ZFAND3: variants seen among roughly 807,000 people sequenced by gnomAD.
ZFAND3 encodes zinc finger AN1-type containing 3.
Under a neutral mutation model 29.6 loss-of-function variants are expected in ZFAND3, and 10 were observed. The observed-to-expected ratio is 0.34, with a 90% CI of 0.21 to 0.57. The LOEUF (loss-of-function observed/expected upper bound fraction) is 0.57. Among genes scored for constraint, ZFAND3 ranks in the 20% least tolerant of loss-of-function variants. ZFAND3 has a pLI of 0.86. For missense variants in ZFAND3, 230 were observed against 304.5 expected (o/e 0.76, Z 1.82); for synonymous variants, 128 against 112.6 (o/e 1.14, Z -0.87).
intron 1 of ZFAND3, among the ~76,000 whole-genome samples, chr6:37,899,337 G>C (rs1303457315): frequency 6.6e-6 from 1 of 152,132 alleles, no homozygotes; most frequent in African/African-American, 2.4e-5. Context: ...TGTGGTGATA[G>C]TGTACCTTCT....
intron 2 of ZFAND3, among the ~76,000 whole-genome samples, chr6:38,017,717 A>G (rs1232890602): frequency 6.6e-6 from 1 of 151,960 alleles, no homozygotes; most frequent in Non-Finnish European, 1.5e-5. Flanking sequence ...AAAAAGAATC[A>G]TATATTTCTA....
intron 2 of ZFAND3, among the ~76,000 whole-genome samples, chr6:37,999,909 T>C (rs1047853246): frequency 2.0e-5 from 3 of 152,214 alleles, no homozygotes; most frequent in Non-Finnish European, 2.9e-5. Flanking sequence ...ATATTAATGA[T>C]AGGAGAAATT....
At chr6:38,124,516 C>T (rs540620119) in intron 5 of ZFAND3, among the ~76,000 whole-genome samples, 14 of 152,308 alleles carry the variant, frequency 9.2e-5, no homozygotes, top group South Asian at 4.1e-4. Flanking sequence ...AGAAATCGAG[C>T]GCAGTGCCGG....
intron 1 of ZFAND3, among the ~76,000 whole-genome samples, chr6:37,854,665 A>G (rs1454109549): frequency 6.6e-6 from 1 of 152,088 alleles, no homozygotes; most frequent in Admixed American, 6.6e-5. Flanking sequence ...ATAGATGAGG[A>G]AACAAGTACC....
chr6:37,873,298 A>G (rs1410618927), intron 1 of ZFAND3, among the ~76,000 whole-genome samples: 2 of 152,206 alleles, frequency 1.3e-5, no homozygotes, highest in Non-Finnish European at 1.5e-5. Flanking sequence ...TTGGAACCTA[A>G]GGAGTTAATG....
At chr6:37,934,526 A>AT (rs1177606067) in intron 2 of ZFAND3, among the ~76,000 whole-genome samples, 5 of 108,380 alleles carry the variant, frequency 4.6e-5, no homozygotes, top group South Asian at 3.0e-4. Flanking sequence ...CATTTAGTCT[A>AT]TTTAAAAAAA....
intron 2 of ZFAND3, among the ~76,000 whole-genome samples, chr6:38,007,462 T>A (rs1298442519): frequency 1.3e-5 from 2 of 152,082 alleles, no homozygotes; most frequent in African/African-American, 4.8e-5. Context: ...GGAGGATCAC[T>A]TGAGCCTAGG....
At chr6:38,055,345 C>G (rs1764113736) in intron 2 of ZFAND3, among the ~76,000 whole-genome samples, 1 of 152,148 alleles carries the variant, frequency 6.6e-6, no homozygotes, top group African/African-American at 2.4e-5. Context: ...GCAGTGTACC[C>G]TGTGCAGGCT....
chr6:38,104,437 A>G (rs189117794), intron 4 of ZFAND3, among the ~76,000 whole-genome samples: 7 of 150,998 alleles, frequency 4.6e-5, no homozygotes, highest in Admixed American at 4.0e-4. Context: ...TTCTTGTGCT[A>G]ATGGGGAGAA....
chr6:37,976,283 G>A (rs1762476283), intron 2 of ZFAND3, among the ~76,000 whole-genome samples: 1 of 152,002 alleles, frequency 6.6e-6, no homozygotes, highest in African/African-American at 2.4e-5. Context: ...TCACACTGCT[G>A]TAAAGATACT....
At chr6:37,966,082 A>G (rs1762287483) in intron 2 of ZFAND3, among the ~76,000 whole-genome samples, 1 of 152,114 alleles carries the variant, frequency 6.6e-6, no homozygotes, top group Non-Finnish European at 1.5e-5. Flanking sequence ...AACTTTAATG[A>G]TCCTTTACAC....
At chr6:37,949,245 A>G (rs769941406) in intron 2 of ZFAND3, among the ~76,000 whole-genome samples, 11 of 152,080 alleles carry the variant, frequency 7.2e-5, no homozygotes, top group Non-Finnish European at 1.0e-4. Flanking sequence ...TGTTGGCCAC[A>G]TATTTGTCTT....
At chr6:38,010,040 C>T (rs1333050039) in intron 2 of ZFAND3, among the ~76,000 whole-genome samples, 1 of 152,030 alleles carries the variant, frequency 6.6e-6, no homozygotes, top group Non-Finnish European at 1.5e-5. Flanking sequence ...AAATAAAGAC[C>T]AAAACACTTC....
chr6:38,127,444 C>T (rs572760531), intron 5 of ZFAND3, among the ~76,000 whole-genome samples: 7 of 152,270 alleles, frequency 4.6e-5, no homozygotes, highest in South Asian at 2.1e-4. Flanking sequence ...TCATATGTCA[C>T]GCGTGTGTCT....
chr6:38,031,021 A>G (rs908246542), intron 2 of ZFAND3, among the ~76,000 whole-genome samples: 8 of 152,218 alleles, frequency 5.3e-5, no homozygotes, highest in Non-Finnish European at 1.0e-4. Flanking sequence ...GAGATGGGGT[A>G]AAAGTAATTT....
chr6:38,022,109 G>C (rs1274325793), intron 2 of ZFAND3, among the ~76,000 whole-genome samples: 1 of 152,094 alleles, frequency 6.6e-6, no homozygotes, highest in African/African-American at 2.4e-5. Flanking sequence ...TATCACCTGA[G>C]AGCTTGTAAG....
chr6:37,846,090 T>C (rs902800500), intron 1 of ZFAND3, among the ~76,000 whole-genome samples: 2 of 152,228 alleles, frequency 1.3e-5, no homozygotes, highest in Non-Finnish European at 2.9e-5. Context: ...AGGACACTCA[T>C]GTTGGCTTTT....
chr6:37,826,983 G>A (rs1763772143), intron 1 of ZFAND3, among the ~76,000 whole-genome samples: 1 of 152,202 alleles, frequency 6.6e-6, no homozygotes, highest in African/African-American at 2.4e-5. Context: ...AGAAAGTTAT[G>A]TTGGACAGTG....
chr6:38,110,292 A>G (rs1765289226), intron 4 of ZFAND3, among the ~76,000 whole-genome samples: 1 of 152,134 alleles, frequency 6.6e-6, no homozygotes, highest in Non-Finnish European at 1.5e-5. Context: ...ATTTCAGTCA[A>G]ATGAGGTGGG....
Sources: gnomAD v4.1 joint callset for allele counts (sites outside exome capture counted in the v4.1 genomes callset) on GRCh38, gnomAD v4.1.1 for gene constraint, MANE v1.5 for transcripts, NCBI Gene and HGNC (gene_info 2026-07-23, HGNC 2026-07-21) for gene names.